Variants in LRRC69 observed in about 807,000 individuals in gnomAD.
LRRC69 encodes leucine-rich repeat-containing protein 69.
In LRRC69, 42 loss-of-function variants were observed where a neutral mutation model predicts 37.8. That is an observed-to-expected ratio of 1.11 (90% confidence interval 0.87 to 1.44). The LOEUF (loss-of-function observed/expected upper bound fraction) is 1.44. Among genes scored for constraint, LRRC69 ranks in the 40% most tolerant of loss-of-function variants. LRRC69 has a pLI of 0.00. For missense variants in LRRC69, 357 were observed against 401.9 expected (o/e 0.89, Z 0.96); for synonymous variants, 141 against 143.1 (o/e 0.99, Z 0.11).
intron 3 of LRRC69, among the ~76,000 whole-genome samples, chr8:91,132,527 A>C (rs1349753885): frequency 2.0e-5 from 3 of 152,042 alleles, no homozygotes; most frequent in Non-Finnish European, 4.4e-5. Flanking sequence ...TTCAGGAACC[A>C]TATCTGCAAT....
intron 5 of LRRC69, among the ~76,000 whole-genome samples, chr8:91,151,628 G>C (rs1196393464): frequency 6.6e-6 from 1 of 151,534 alleles, no homozygotes; most frequent in Non-Finnish European, 1.5e-5. Flanking sequence ...CTTTATAATA[G>C]AATGATTTAT....
At chr8:91,131,091 C>T (rs112835850) in intron 3 of LRRC69, among the ~76,000 whole-genome samples, 1 of 151,956 alleles carries the variant, frequency 6.6e-6, no homozygotes, top group Non-Finnish European at 1.5e-5. Flanking sequence ...TCTCCAATAC[C>T]ATATGATCTT....
chr8:91,205,371 AT>A (rs897485899), intron 7 of LRRC69: 2 of 152,304 alleles, frequency 1.3e-5, no homozygotes, highest in Non-Finnish European at 2.9e-5. Flanking sequence ...TACGTAGTTC[AT>A]TTATAATCCT....
chr8:91,216,307 C>T (rs1383146457), intron 7 of LRRC69, among the ~76,000 whole-genome samples: 1 of 152,102 alleles, frequency 6.6e-6, no homozygotes, highest in African/African-American at 2.4e-5. Flanking sequence ...AAACTCTGCC[C>T]ATGCGATGTC....
intron 1 of LRRC69, among the ~76,000 whole-genome samples, chr8:91,106,900 C>G (rs563251115): frequency 6.6e-6 from 1 of 151,624 alleles, no homozygotes; most frequent in African/African-American, 2.4e-5. Flanking sequence ...TCAAGTGATC[C>G]TCCTACTTCA....
intron 1 of LRRC69, among the ~76,000 whole-genome samples, chr8:91,104,970 G>T (rs1334709776): frequency 6.6e-6 from 1 of 151,948 alleles, no homozygotes; most frequent in Non-Finnish European, 1.5e-5. Context: ...GGCTCCCTTT[G>T]TTACTTGCCC....
chr8:91,146,063 G>T (rs963562586), intron 5 of LRRC69, among the ~76,000 whole-genome samples: 18 of 151,838 alleles, frequency 1.2e-4, no homozygotes, highest in African/African-American at 3.9e-4. Context: ...TTCTATATGT[G>T]ATTTTATTAG....
rs1290969723 is a variant in LRRC69, at chr8:91,200,782, C to G, written c.923C>G (p.Pro308Arg). 47 of 1,529,702 alleles carry G rather than the reference C, an allele frequency of 3.1e-5. No individual in the cohort carries two copies. Among genetic ancestry groups the G allele is most frequent in the Non-Finnish European group, 4.0e-5 (46 of 1,140,374 alleles). The allele number at this position is 1,529,702 out of a possible 1,614,324, so 94.8% of individuals were successfully genotyped here. The change falls in exon 7 of 8, where the codon CCT becomes CGT. Residue 308 changes from proline (P) to arginine (R), a missense_variant. Physicochemically the swap from Pro to Arg is moderately radical, Grantham distance 103. Coordinates refer to ENST00000448384, the Ensembl canonical transcript of LRRC69. ...TGGCTGGAATGTGTTCGATTTGTTC[C>G]TCCACCAAAGGTAAATGATGCTTTT... is the stretch of plus-strand genomic sequence containing the variant.
At chr8:91,175,235 G>C (rs545941084) in intron 5 of LRRC69, among the ~76,000 whole-genome samples, 6 of 152,168 alleles carry the variant, frequency 3.9e-5, no homozygotes, top group African/African-American at 1.4e-4. Context: ...AGAGGTACTG[G>C]AGTTAGCATG....
Position 91,195,730 on chromosome 8 carries a change from A to G in LRRC69, c.754-4883A>G, listed in dbSNP as rs184901319. On this transcript the variant is annotated intron_variant, in intron 6 of 7. Coordinates refer to ENST00000448384, the Ensembl canonical transcript of LRRC69. ...TCCTGCATCCTTTTATTTTGAGCCT[A>G]TGTGTGTCTCTGCACGTGAGATGGG... Among the ~76,000 whole-genome samples, 854 of 152,148 alleles carry G rather than the reference A, an allele frequency of 5.6e-3. 5 individuals are homozygous for G. Among genetic ancestry groups the G allele is most frequent in the Non-Finnish European group, 9.2e-3 (623 of 68,006 alleles).
intron 3 of LRRC69, among the ~76,000 whole-genome samples, chr8:91,129,932 T>C (rs1385816841): frequency 2.0e-5 from 3 of 152,060 alleles, no homozygotes; most frequent in Non-Finnish European, 4.4e-5. Context: ...TAGTCAAATA[T>C]AATGGCCTTT....
At chr8:91,159,189 G>A (rs1282851325) in intron 5 of LRRC69, among the ~76,000 whole-genome samples, 1 of 151,114 alleles carries the variant, frequency 6.6e-6, no homozygotes, top group Non-Finnish European at 1.5e-5. Flanking sequence ...GAATGGGCAA[G>A]GTATGAGGGA....
intron 7 of LRRC69, among the ~76,000 whole-genome samples, chr8:91,203,738 A>G (rs895186750): frequency 6.6e-6 from 1 of 151,882 alleles, no homozygotes; most frequent in African/African-American, 2.4e-5. Context: ...AAATTTACCA[A>G]AGAATCTTTT....
intron 1 of LRRC69, among the ~76,000 whole-genome samples, chr8:91,119,525 G>T (rs1236531354): frequency 1.3e-5 from 2 of 152,014 alleles, no homozygotes; most frequent in Non-Finnish European, 2.9e-5. Context: ...TCACATGGTA[G>T]CTTCTTCCAG....
In LRRC69 at chr8:91,157,267, G is replaced by A. The variant is rs878980997; in HGVS notation, c.651+21528G>A. On this transcript the variant is annotated intron_variant, in intron 5 of 7. Transcript: ENST00000448384. ...AGAAAGCACACTTCACCTCTCTAAT[G>A]TGACCTTTCTCACAGGTGTGCCTCC... 15 of 1,553,846 alleles carry A rather than the reference G, an allele frequency of 9.7e-6. No homozygotes were observed. In the South Asian group the frequency reaches 1.6e-4, roughly 16 times the overall value.
At chr8:91,145,576 G>A (rs143670212) in intron 5 of LRRC69, among the ~76,000 whole-genome samples, 147 of 151,922 alleles carry the variant, frequency 9.7e-4, no homozygotes, top group Middle Eastern at 3.4e-3. Flanking sequence ...GCTTTCAGTG[G>A]CTCAGTTTAT....
chr8:91,137,653 T>G (rs749664229), intron 5 of LRRC69, among the ~76,000 whole-genome samples: 2 of 152,058 alleles, frequency 1.3e-5, no homozygotes, highest in Non-Finnish European at 2.9e-5. Context: ...CAGGTCTGAG[T>G]TGGTTTCATC....
intron 3 of LRRC69, among the ~76,000 whole-genome samples, chr8:91,128,307 A>G (rs1487792489): frequency 6.6e-6 from 1 of 152,072 alleles, no homozygotes; most frequent in African/African-American, 2.4e-5. Flanking sequence ...ACACGTTATG[A>G]TTTCACAATT....
intron 6 of LRRC69, among the ~76,000 whole-genome samples, chr8:91,194,753 G>C (rs949852266): frequency 6.6e-6 from 1 of 151,912 alleles, no homozygotes; most frequent in African/African-American, 2.4e-5. Flanking sequence ...TATTAGTCTT[G>C]CTAGTGGTCT....
Sources: gnomAD v4.1 joint callset for allele counts (sites outside exome capture counted in the v4.1 genomes callset) on GRCh38, gnomAD v4.1.1 for gene constraint, MANE v1.5 for transcripts, NCBI Gene and HGNC (gene_info 2026-07-23, HGNC 2026-07-21) for gene names.